PTPN22: variants seen among roughly 807,000 people sequenced by gnomAD.
PTPN22 encodes tyrosine-protein phosphatase non-receptor type 22.
PTPN22 carries 85 observed loss-of-function variants against 103.3 expected under a neutral mutation model. That is an observed-to-expected ratio of 0.82 (90% CI 0.69 to 0.99). The LOEUF (loss-of-function observed/expected upper bound fraction) is 0.99. Ranked by LOEUF, PTPN22 falls within the 50% of genes least tolerant of loss-of-function variation. The pLI, the probability that PTPN22 is intolerant of heterozygous loss-of-function variation, is 0.00. For synonymous variants in PTPN22, 323 were observed against 310.2 expected (o/e 1.04, Z -0.43); for missense variants, 865 against 936.9 (o/e 0.92, Z 1.00).
chr1:113,827,000 T>C (rs970158914), intron 18 of PTPN22, among the ~76,000 whole-genome samples: 2 of 152,214 alleles, frequency 1.3e-5, no homozygotes, highest in Admixed American at 6.5e-5. Context: ...TCAAGGAACC[T>C]ACCCAAATTT....
intron 10 of PTPN22, among the ~76,000 whole-genome samples, chr1:113,851,594 A>G (rs894866964): frequency 1.3e-5 from 2 of 152,212 alleles, no homozygotes; most frequent in East Asian, 3.8e-4. Flanking sequence ...ACGAGCACAT[A>G]GACTGAATTC....
intron 18 of PTPN22, among the ~76,000 whole-genome samples, chr1:113,825,743 T>G (rs1486320390): frequency 1.3e-5 from 2 of 152,162 alleles, no homozygotes; most frequent in Admixed American, 1.3e-4. Context: ...AGATGGAGTC[T>G]CGCTGTGTCG....
At chr1:113,821,406 C>A (rs1371967643) in intron 19 of PTPN22, among the ~76,000 whole-genome samples, 1 of 152,136 alleles carries the variant, frequency 6.6e-6, no homozygotes, top group East Asian at 1.9e-4. Flanking sequence ...ACCACAACCA[C>A]CGCCTCCCAG....
chr1:113,866,304 G>A (rs1189044298), intron 1 of PTPN22, among the ~76,000 whole-genome samples: 1 of 151,952 alleles, frequency 6.6e-6, no homozygotes, highest in Non-Finnish European at 1.5e-5. Context: ...TGAGGTCAAG[G>A]GATCGAGACC....
intron 18 of PTPN22, among the ~76,000 whole-genome samples, chr1:113,828,279 T>G (rs983416215): frequency 2.0e-5 from 3 of 152,214 alleles, no homozygotes; most frequent in African/African-American, 7.2e-5. Context: ...CTATCTCTTT[T>G]CTTATGGCCT....
In PTPN22 at chr1:113,821,587, G is replaced by T. The variant is rs143778912; in HGVS notation, c.2282-1933C>A. Among the ~76,000 whole-genome samples the T allele has an allele frequency of 4.6e-4, 70 of 152,256 alleles. No homozygotes were observed. The East Asian group carries it at 0.013, about 27-fold the overall frequency. On this transcript the variant is annotated intron_variant, in intron 19 of 20. Transcript: ENST00000359785. Reference sequence around the variant, plus strand: ...TCTGCCTGCCTTGGCCTCCCAAAGCGCTGGGAATACAGGCATGAGCCACTG... The same window carrying T: ...TCTGCCTGCCTTGGCCTCCCAAAGCTCTGGGAATACAGGCATGAGCCACTG...
At chr1:113,821,064 A>T (rs1344855151) in intron 19 of PTPN22, among the ~76,000 whole-genome samples, 1 of 151,830 alleles carries the variant, frequency 6.6e-6, no homozygotes, top group Non-Finnish European at 1.5e-5. Flanking sequence ...TGTGCTAAGC[A>T]TTGCTGTAGG....
chr1:113,847,378 C>T lies in PTPN22; in HGVS notation c.915+1162G>A, dbSNP rs529462678. On this transcript the variant is annotated intron_variant, in intron 11 of 20. Transcript: ENST00000359785. ...CTATGTTTTTAATTGCTCATTGAAG[C>T]ATTTTTATCTTGGCTGCTTTAAAAT... Among the ~76,000 whole-genome samples the T allele has an allele frequency of 4.3e-5, 6 of 138,880 alleles. No individual in the cohort carries two copies. In the South Asian group the frequency reaches 1.4e-3, roughly 33 times the overall value. 91.1% of individuals were successfully genotyped at this position (138,880 alleles called of 152,430 possible).
At chr1:113,834,828 G>T in intron 14 of PTPN22, 82 bp downstream of exon 14, 1 of 1,141,928 alleles carries the variant, frequency 8.8e-7, no homozygotes. Flanking sequence ...TCACACATCA[G>T]CTTCCCAAAG....
At chr1:113,821,726 C>T (rs1319140190) in intron 19 of PTPN22, among the ~76,000 whole-genome samples, 4 of 152,128 alleles carry the variant, frequency 2.6e-5, no homozygotes, top group Non-Finnish European at 4.4e-5. Flanking sequence ...TTTCAGTTCC[C>T]GTGCTTCCAT....
At chr1:113,826,274 G>A (rs1662049071) in intron 18 of PTPN22, among the ~76,000 whole-genome samples, 2 of 152,064 alleles carry the variant, frequency 1.3e-5, no homozygotes, top group Admixed American at 6.6e-5. Flanking sequence ...GAGTCCAGGA[G>A]GTCAAGGCTG....
At chr1:113,828,275 CTTTTCTTA>C (rs1662259528) in intron 18 of PTPN22, among the ~76,000 whole-genome samples, 1 of 152,104 alleles carries the variant, frequency 6.6e-6, no homozygotes, top group Non-Finnish European at 1.5e-5. Context: ...TTATCTATCT[CTTTTCTTA>C]TGGCCTCCGG....
Position 113,855,068 on chromosome 1 carries a change from T to C in PTPN22, c.541-19A>G. The stretch of plus-strand genomic sequence containing the variant: ...GAGTTTCCTATAAAAAGTAGCCAGA[T>C]GGGAGGGGAAGAGGGGCAAGGGCTG... On this transcript the variant is annotated intron_variant, in intron 7 of 20. Transcript: ENST00000359785. 1.3e-6 allele frequency: 2 copies of C among 1,598,438 alleles called. No homozygotes were observed. The highest frequency in any genetic ancestry group is 2.2e-5 in the East Asian group (1 of 44,784).
At chr1:113,838,565 T>C in exon 12 of PTPN22, 1 of 1,613,560 alleles carries the variant, frequency 6.2e-7, no homozygotes, top group Non-Finnish European at 8.5e-7. Flanking sequence ...ATTAGGAGAA[T>C]AAGAGTCTGC....
At chr1:113,822,251 A>G (rs578140861) in intron 19 of PTPN22, among the ~76,000 whole-genome samples, 42 of 152,348 alleles carry the variant, frequency 2.8e-4, no homozygotes, top group Admixed American at 2.5e-3. Context: ...TCCCACCAAC[A>G]GTTGACAGCT....
At chr1:113,867,291 GT>G (rs1277790158) in intron 1 of PTPN22, among the ~76,000 whole-genome samples, 1 of 152,164 alleles carries the variant, frequency 6.6e-6, no homozygotes, top group Admixed American at 6.5e-5. Context: ...ATTGGATGAA[GT>G]AGAACACTAT....
chr1:113,861,323 C>A (rs951699202), intron 1 of PTPN22, among the ~76,000 whole-genome samples: 1 of 152,148 alleles, frequency 6.6e-6, no homozygotes, highest in Non-Finnish European at 1.5e-5. Flanking sequence ...TCACTGCAAC[C>A]TCTGCCACCC....
chr1:113,832,881 T>G, intron 16 of PTPN22: 1 of 390,434 alleles, frequency 2.6e-6, no homozygotes. Context: ...TGAAATAGTT[T>G]TTATATATTA....
At chr1:113,859,917 T>C (rs936531974) in intron 1 of PTPN22, among the ~76,000 whole-genome samples, 5 of 151,928 alleles carry the variant, frequency 3.3e-5, no homozygotes, top group East Asian at 1.9e-4. Context: ...AATTTCTCTA[T>C]ATCTAGCAAA....
Sources: gnomAD v4.1 joint callset for allele counts (sites outside exome capture counted in the v4.1 genomes callset) on GRCh38, gnomAD v4.1.1 for gene constraint, MANE v1.5 for transcripts, NCBI Gene and HGNC (gene_info 2026-07-23, HGNC 2026-07-21) for gene names.